Variants in SHANK2 observed in about 807,000 individuals in gnomAD.
The protein encoded by SHANK2 is SH3 and multiple ankyrin repeat domains 2.
In SHANK2, 43 loss-of-function variants were observed where a neutral mutation model predicts 133.7. That is an observed-to-expected ratio of 0.32 (90% confidence interval 0.25 to 0.41). SHANK2 has a LOEUF of 0.41. Ranked by LOEUF, SHANK2 falls within the 10% of genes least tolerant of loss-of-function variation. The probability of loss-of-function intolerance (pLI) is 1.00; values close to 1 mark genes in which losing one functional copy is unlikely to be tolerated. For synonymous variants in SHANK2, 1,017 were observed against 952.8 expected, an observed-to-expected ratio of 1.07 and a Z score of -1.24; for missense variants, 1,994 against 2,235.8, an observed-to-expected ratio of 0.89 and a Z score of 2.18.
At chr11:70,584,077 A>G (rs1208960359) in intron 17 of SHANK2, among the ~76,000 whole-genome samples, 2 of 152,048 alleles carry the variant, frequency 1.3e-5, no homozygotes, top group African/African-American at 4.8e-5. Flanking sequence ...CCATTCAATT[A>G]TCGGCCGTGA....
At chr11:70,735,249 A>G (rs1946378566) in intron 14 of SHANK2, among the ~76,000 whole-genome samples, 2 of 152,202 alleles carry the variant, frequency 1.3e-5, no homozygotes, top group Admixed American at 1.3e-4. Context: ...CAAGTGTCCC[A>G]GGTGGAGCTG....
chr11:70,856,647 T>C (rs535515074), intron 11 of SHANK2, among the ~76,000 whole-genome samples: 18 of 152,320 alleles, frequency 1.2e-4, no homozygotes, highest in African/African-American at 4.1e-4. Context: ...ATCTATTATA[T>C]TTCCTTGCCT....
chr11:70,597,299 C>T (rs981678902), intron 17 of SHANK2, among the ~76,000 whole-genome samples: 2 of 152,086 alleles, frequency 1.3e-5, no homozygotes, highest in South Asian at 4.2e-4. Context: ...ACTACCCAGG[C>T]ACCCCATAAT....
rs117229886 is a variant in SHANK2, at chr11:70,813,312, G to A, written c.1494-6141C>T. ...GAGAGAAGGGCAAGGGCACGGGAAA[G>A]GCTCTGCAGGGATGTTCGGGGAGAA... On this transcript the variant is annotated intron_variant, in intron 12 of 25. Coordinates refer to ENST00000601538, the MANE Select transcript of SHANK2 (RefSeq NM_012309.5). Among the ~76,000 whole-genome samples, 862 of 152,278 alleles carry A rather than the reference G, an allele frequency of 5.7e-3. 20 individuals are homozygous for A. The East Asian group carries it at 0.069, about 12-fold the overall frequency.
intron 10 of SHANK2, among the ~76,000 whole-genome samples, chr11:70,921,123 C>T (rs190377795): frequency 5.9e-4 from 90 of 152,288 alleles, no homozygotes; most frequent in African/African-American, 2.1e-3. Flanking sequence ...TCGGAATCAG[C>T]CTCCACTGGG....
At chr11:70,626,679 C>T (rs1262250882) in intron 17 of SHANK2, among the ~76,000 whole-genome samples, 2 of 152,236 alleles carry the variant, frequency 1.3e-5, no homozygotes, top group Non-Finnish European at 2.9e-5. Flanking sequence ...GGCTCCAGCC[C>T]TGGACCAGAG....
At chr11:70,905,064 G>A (rs2135701357) in intron 10 of SHANK2, among the ~76,000 whole-genome samples, 1 of 152,328 alleles carries the variant, frequency 6.6e-6, no homozygotes, top group Non-Finnish European at 1.5e-5. Context: ...ATGGTCTCAG[G>A]ATGGTGGAAG....
intron 11 of SHANK2, among the ~76,000 whole-genome samples, chr11:70,836,161 A>T (rs1166065904): frequency 1.3e-5 from 2 of 152,338 alleles, no homozygotes; most frequent in African/African-American, 4.8e-5. Context: ...CCCAGCTCTC[A>T]GTCCTTAAGG....
At chr11:71,088,904 C>T (rs1222821125) in intron 8 of SHANK2, among the ~76,000 whole-genome samples, 1 of 148,112 alleles carries the variant, frequency 6.8e-6, no homozygotes, top group Non-Finnish European at 1.5e-5. Flanking sequence ...GTGACTGCAC[C>T]ACCCCACCAG....
chr11:70,839,365 C>G (rs1314808872), intron 11 of SHANK2, among the ~76,000 whole-genome samples: 1 of 152,236 alleles, frequency 6.6e-6, no homozygotes, highest in African/African-American at 2.4e-5. Context: ...CTCCCCACCC[C>G]ACTCCACAGC....
intron 3 of SHANK2, among the ~76,000 whole-genome samples, chr11:71,122,756 A>C (rs1440335967): frequency 1.1e-4 from 16 of 152,170 alleles, no homozygotes; most frequent in African/African-American, 3.9e-4. Flanking sequence ...CAGCAATGCT[A>C]AGATTTCTGG....
intron 15 of SHANK2, among the ~76,000 whole-genome samples, chr11:70,692,919 A>C (rs1255532131): frequency 1.3e-5 from 2 of 152,180 alleles, no homozygotes; most frequent in Admixed American, 1.3e-4. Flanking sequence ...ACCTTCTTAA[A>C]CCTTTTCCTT....
intron 10 of SHANK2, among the ~76,000 whole-genome samples, chr11:70,952,273 C>T (rs535283137): frequency 1.3e-5 from 2 of 152,308 alleles, no homozygotes; most frequent in South Asian, 4.1e-4. Context: ...TCAGTAAATG[C>T]AGACCCAAAA....
chr11:71,243,969 A>C (rs1555124704), intron 1 of SHANK2, among the ~76,000 whole-genome samples: 1 of 152,252 alleles, frequency 6.6e-6, no homozygotes, highest in Non-Finnish European at 1.5e-5. Flanking sequence ...ATTTTGCATA[A>C]ACTTTTCAGA....
chr11:71,077,194 C>G (rs1009127822), intron 8 of SHANK2, among the ~76,000 whole-genome samples: 3 of 152,088 alleles, frequency 2.0e-5, no homozygotes, highest in Admixed American at 6.5e-5. Flanking sequence ...GGCTATTTGG[C>G]ACTCCCCAAA....
chr11:70,608,545 T>C (rs1431131111), intron 17 of SHANK2, among the ~76,000 whole-genome samples: 4 of 152,186 alleles, frequency 2.6e-5, no homozygotes, highest in Admixed American at 2.0e-4. Flanking sequence ...TGGGGTCATG[T>C]AAAGGCTCTG....
intron 17 of SHANK2, among the ~76,000 whole-genome samples, chr11:70,623,032 C>A (rs1456517647): frequency 6.6e-6 from 1 of 152,144 alleles, no homozygotes; most frequent in Non-Finnish European, 1.5e-5. Context: ...CAAAATTAGC[C>A]AGGCATGGTG....
chr11:70,505,351 G>C lies in SHANK2; in HGVS notation c.2062-2420C>G, dbSNP rs192940153. On this transcript the variant is annotated intron_variant, in intron 17 of 25. Coordinates refer to ENST00000601538, the MANE Select transcript of SHANK2 (RefSeq NM_012309.5). ...TGAGTATGAGGTGCCAAACACACGT[G>C]GGGGGGCACCGAGACACTGGGGTCT... is the stretch of plus-strand genomic sequence containing the variant. 1.3e-4 allele frequency among the ~76,000 whole-genome samples: 20 copies of C among 152,086 alleles called. No individual in the cohort carries two copies. The South Asian group carries it at 1.9e-3, about 14-fold the overall frequency.
intron 2 of SHANK2, among the ~76,000 whole-genome samples, chr11:71,153,930 A>G (rs1174290385): frequency 6.6e-6 from 1 of 152,192 alleles, no homozygotes; most frequent in Non-Finnish European, 1.5e-5. Context: ...AGATCGTACC[A>G]CTGCACTCCA....
Sources: gnomAD v4.1 joint callset for allele counts (sites outside exome capture counted in the v4.1 genomes callset) on GRCh38, gnomAD v4.1.1 for gene constraint, MANE v1.5 for transcripts, NCBI Gene and HGNC (gene_info 2026-07-23, HGNC 2026-07-21) for gene names.